The following PGM3 variants were observed in gnomAD, a reference collection of about 807,000 sequenced individuals.
PGM3 encodes phosphoacetylglucosamine mutase.
In PGM3, 40 loss-of-function variants were observed where a neutral mutation model predicts 66.2. The ratio of observed to expected loss-of-function variants is 0.60; its 90% CI spans 0.47 to 0.79. PGM3 has a LOEUF of 0.79. PGM3 is among the 30% of genes least tolerant of loss of function. The probability of loss-of-function intolerance (pLI) is 0.00; values close to 1 mark genes in which losing one functional copy is unlikely to be tolerated. For missense variants in PGM3, 537 were observed against 643.4 expected, an observed-to-expected ratio of 0.83 and a Z score of 1.79; for synonymous variants, 191 against 224.2, an observed-to-expected ratio of 0.85 and a Z score of 1.32.
At chr6:83,161,686 C>T (rs1488349221), downstream of PGM3, among the ~76,000 whole-genome samples, 1 of 152,164 alleles carries the variant, frequency 6.6e-6, no homozygotes, top group Non-Finnish European at 1.5e-5. Context: ...CTGAAAGTTG[C>T]TTTCCTTTTA....
intron 2 of PGM3, among the ~76,000 whole-genome samples, chr6:83,190,140 G>GT (rs1448395654): frequency 6.6e-6 from 1 of 152,160 alleles, no homozygotes; most frequent in Non-Finnish European, 1.5e-5. Flanking sequence ...ACAAAACAAG[G>GT]TAACTATGTG....
chr6:83,183,054 G>A (rs1788313336), intron 4 of PGM3, 76 bp from the exon 5 acceptor site: 2 of 1,302,448 alleles, frequency 1.5e-6, no homozygotes, highest in African/African-American at 1.5e-5. Flanking sequence ...TTCATGTGTA[G>A]GAATTTCAGG....
intron 11 of PGM3, 118 bp from the exon 12 acceptor site, chr6:83,170,596 T>C (rs1583247288): frequency 3.8e-6 from 3 of 790,952 alleles, no homozygotes; most frequent in African/African-American, 3.5e-5. Context: ...TTAAAACTTC[T>C]TTCTCCAAGG....
chr6:83,181,349 G>T (rs531812848), intron 6 of PGM3, among the ~76,000 whole-genome samples: 1 of 152,262 alleles, frequency 6.6e-6, no homozygotes, highest in African/African-American at 2.4e-5. Flanking sequence ...CTGCAAACTT[G>T]ATAGAAATGC....
At chr6:83,186,959 A>T in intron 4 of PGM3, 49 bp downstream of exon 4, 1 of 1,030,238 alleles carries the variant, frequency 9.7e-7, no homozygotes, top group Non-Finnish European at 1.4e-6. Context: ...TTTGTAAATT[A>T]AAGTTTTTTA....
At chr6:83,190,347 C>T (rs561887169) in intron 2 of PGM3, among the ~76,000 whole-genome samples, 99 of 152,252 alleles carry the variant, frequency 6.5e-4, no homozygotes, top group African/African-American at 2.1e-3. Flanking sequence ...AACTATCAGG[C>T]GTCATCAATA....
intron 10 of PGM3, among the ~76,000 whole-genome samples, chr6:83,173,302 A>G (rs983224943): frequency 6.6e-6 from 1 of 152,210 alleles, no homozygotes; most frequent in African/African-American, 2.4e-5. Context: ...ATAACAAAGA[A>G]TACTGAAACT....
rs1303203130 is a variant in PGM3 at position 83,177,453 on chromosome 6, AAAG to A, written c.1029+1217_1029+1219del. Among the ~76,000 whole-genome samples the A allele has an allele frequency of 3.9e-5, 6 of 152,182 alleles. 1 individual carries two copies. The highest frequency in any genetic ancestry group is 9.7e-5 in the African/African-American group (4 of 41,440). ...ACCCCAGAAAACCTCTCCAAAAAAA[AAAG>A]AAGGGTAAGAAACAGTTTTATTACT... On this transcript the variant is annotated intron_variant, in intron 8 of 12. Coordinates refer to ENST00000513973, the MANE Select transcript of PGM3 (RefSeq NM_015599.3).
In PGM3 at chr6:83,165,946, C is replaced by G; in HGVS notation, c.*3288G>C. On this transcript the variant is annotated 3_prime_UTR_variant, in exon 13 of 13. Coordinates refer to ENST00000513973, the MANE Select transcript of PGM3 (RefSeq NM_015599.3). Reference sequence around the variant, plus strand: ...AGTGGATCAGACTGGCAGCAAACCACCAAACAATGACCATGACCATTTTTT... The same window carrying G: ...AGTGGATCAGACTGGCAGCAAACCAGCAAACAATGACCATGACCATTTTTT... 2.7e-6 allele frequency: 1 copy of G among 366,030 alleles called. No homozygotes were observed. The highest frequency in any genetic ancestry group is 2.3e-5 in the South Asian group (1 of 42,600). 22.7% of individuals were successfully genotyped at this position (366,030 alleles called of 1,614,324 possible). A position where few individuals can be genotyped will look rare whatever the true frequency, so the allele number is the denominator to read the frequency against.
At position 83,184,475 on chromosome 6, in the gene PGM3, T is replaced by C. The variant is rs1233487156; in HGVS notation, c.458-1497A>G. 2.6e-5 allele frequency among the ~76,000 whole-genome samples: 4 copies of C among 152,220 alleles called. No homozygotes were observed. In the East Asian group the frequency reaches 7.7e-4, roughly 29 times the overall value. On this transcript the variant is annotated intron_variant, in intron 4 of 12. Coordinates refer to ENST00000513973, the MANE Select transcript of PGM3 (RefSeq NM_015599.3). ...CTTAGATTAGTTTAATGGAAGTGTTTACTAGAGGAACCCATTATTCTAAAA... is the reference window on the plus strand; with the variant it reads ...CTTAGATTAGTTTAATGGAAGTGTTCACTAGAGGAACCCATTATTCTAAAA...
Position 83,174,482 on chromosome 6 carries a change from C to T in PGM3, c.1134G>A (p.Leu378=), listed in dbSNP as rs1787603345. The part of the protein sequence containing the change: ...YFEANGHGTA[L]FSTAVEMKIK... ...TCTTCATTTCAACAGCTGTACTAAA[C>T]AGTGCCTGCAGCAAAAGAATATAAA... The change falls in exon 10 of 13, where the codon CTG becomes CTA. Residue 378 remains leucine (L), a synonymous_variant. Coordinates refer to ENST00000513973, the MANE Select transcript of PGM3 (RefSeq NM_015599.3). The T allele has an allele frequency of 6.6e-7, 1 of 1,511,442 alleles. No homozygotes were observed. The highest frequency in any genetic ancestry group is 9.1e-7 in the Non-Finnish European group (1 of 1,104,188). The allele number at this position is 1,511,442 out of a possible 1,614,324, so 93.6% of individuals were successfully genotyped here.
At chr6:83,169,856 G>GGCAC in intron 12 of PGM3, 1 of 455,982 alleles carries the variant, frequency 2.2e-6, no homozygotes, top group South Asian at 1.6e-5. Flanking sequence ...CAGGGAAACA[G>GGCAC]GCACAGAGTA....
chr6:83,170,577 A>G (rs1359146298), intron 11 of PGM3, 99 bp from the exon 12 acceptor site: 1 of 900,718 alleles, frequency 1.1e-6, no homozygotes, highest in Non-Finnish European at 1.7e-6. Context: ...GACTAAATAT[A>G]AAATTACATT....
chr6:83,170,519 C>G (rs1562408580), intron 11 of PGM3, 41 bp from the exon 12 acceptor site: 1 of 1,518,160 alleles, frequency 6.6e-7, no homozygotes, highest in East Asian at 2.3e-5. Flanking sequence ...TATTACACTT[C>G]CTTTCAGAAG....
At position 83,167,545 on chromosome 6, in the gene PGM3, T is replaced by C; in HGVS notation, c.*1689A>G. The C allele has an allele frequency of 9.6e-7, 1 of 1,039,364 alleles. No individual in the cohort carries two copies. Among genetic ancestry groups the C allele is most frequent in the African/African-American group, 1.7e-5 (1 of 59,394 alleles). 64.4% of individuals were successfully genotyped at this position (1,039,364 alleles called of 1,614,324 possible). A position where few individuals can be genotyped will look rare whatever the true frequency, so the allele number is the denominator to read the frequency against. ...GAGGGTTCAGAAACCTGGGAGCTTTTTGAGTAAATACAAAGCACAACATAA... is the reference window on the plus strand; with the variant it reads ...GAGGGTTCAGAAACCTGGGAGCTTTCTGAGTAAATACAAAGCACAACATAA... On this transcript the variant is annotated 3_prime_UTR_variant, in exon 13 of 13. Transcript: ENST00000513973.
At position 83,169,446 on chromosome 6, in the gene PGM3, A is replaced by C. The variant is rs1025644087; in HGVS notation, c.1540-123T>G. Reference sequence around the variant, plus strand: ...GATTCTTGATTTTGTTTCACTAACAAATTCTAATGAAAACCTTTTTTCATC... The same window carrying C: ...GATTCTTGATTTTGTTTCACTAACACATTCTAATGAAAACCTTTTTTCATC... On this transcript the variant is annotated intron_variant, in intron 12 of 12. Transcript: ENST00000513973. The C allele has an allele frequency of 2.8e-5, 32 of 1,147,440 alleles. No homozygotes were observed. In the African/African-American group the frequency reaches 4.9e-4, roughly 17 times the overall value. 71.1% of individuals were successfully genotyped at this position (1,147,440 alleles called of 1,614,324 possible).
At chr6:83,151,703 C>A in the PGM3 span, 1 of 1,547,598 alleles carries the variant, frequency 6.5e-7, no homozygotes, top group Non-Finnish European at 8.7e-7. Context: ...TTCTCAGTGC[C>A]CTCAATTTGA....
chr6:83,178,237 A>C (rs1161432637), intron 8 of PGM3, among the ~76,000 whole-genome samples: 1 of 152,184 alleles, frequency 6.6e-6, no homozygotes, highest in Non-Finnish European at 1.5e-5. Context: ...AAAACTTTTC[A>C]TACCTCTGTG....
At chr6:83,152,382 T>A in the PGM3 span, 3 of 1,286,742 alleles carry the variant, frequency 2.3e-6, no homozygotes, top group Non-Finnish European at 3.2e-6. Flanking sequence ...ATATTAAGCT[T>A]TTTCACATGA....
Sources: gnomAD v4.1 joint callset for allele counts (sites outside exome capture counted in the v4.1 genomes callset) on GRCh38, gnomAD v4.1.1 for gene constraint, MANE v1.5 for transcripts, NCBI Gene and HGNC (gene_info 2026-07-23, HGNC 2026-07-21) for gene names.